Variants in CCDC83 observed in about 807,000 individuals in gnomAD.
CCDC83 encodes coiled-coil domain containing 83.
In CCDC83, 54 loss-of-function variants were observed where a neutral mutation model predicts 50.1. That is an observed-to-expected ratio of 1.08 (90% CI 0.87 to 1.35). The LOEUF (loss-of-function observed/expected upper bound fraction) is 1.35. Ranked by LOEUF, CCDC83 falls within the 40% of genes most tolerant of loss-of-function variation. CCDC83 has a pLI of 0.00. For missense variants in CCDC83, 518 were observed against 473.9 expected (o/e 1.09, Z -0.86); for synonymous variants, 161 against 153.3 (o/e 1.05, Z -0.37).
chr11:85,886,153 T>C, intron 4 of CCDC83, 47 bp from the exon 5 acceptor site: 1 of 1,430,080 alleles, frequency 7.0e-7, no homozygotes, highest in East Asian at 2.4e-5. Context: ...CAACATATAA[T>C]GGTTACAAGG....
intron 10 of CCDC83, 52 bp from the exon 11 acceptor site, chr11:85,919,297 G>A: frequency 6.7e-7 from 1 of 1,498,438 alleles, no homozygotes; most frequent in East Asian, 2.3e-5. Context: ...CTATCAAGCT[G>A]GTAATTTGCT....
chr11:85,882,740 C>T, intron 4 of CCDC83, 65 bp downstream of exon 4: 1 of 1,406,912 alleles, frequency 7.1e-7, no homozygotes, highest in Non-Finnish European at 9.9e-7. Context: ...TATATTAATG[C>T]TTTATTCTTC....
At chr11:85,893,539 G>A (rs1456551166) in intron 5 of CCDC83, among the ~76,000 whole-genome samples, 1 of 152,188 alleles carries the variant, frequency 6.6e-6, no homozygotes. Context: ...AACCCCCAAG[G>A]CCACAGGCCA....
At chr11:85,876,326 A>C (rs138136461) in intron 3 of CCDC83, among the ~76,000 whole-genome samples, 79 of 152,364 alleles carry the variant, frequency 5.2e-4, no homozygotes, top group African/African-American at 1.9e-3. Flanking sequence ...ACACCAAAAA[A>C]AATGAGTGTA....
Position 85,919,379 on chromosome 11 carries a change from A to C in CCDC83, c.1111A>C (p.Lys371Gln), listed in dbSNP as rs1192270450. ...TGTAAACTTGGGCCCCCTGGGAGTG[A>C]AGCTTATGAGTGTGGAGAGCAAGAA... is the stretch of plus-strand genomic sequence containing the variant. ...DYVNLGPLGV[K>Q]LMSVESKKMP... Residue 371 changes from lysine to glutamine, a missense_variant, in exon 11 of 11, where the codon AAG becomes CAG. Lys to Gln is a moderately conservative substitution (Grantham distance 53). Coordinates refer to ENST00000342404, the MANE Select transcript of CCDC83 (RefSeq NM_001286159.2). The C allele has an allele frequency of 6.2e-7, 1 of 1,610,046 alleles. No individual in the cohort carries two copies. The highest frequency in any genetic ancestry group is 8.5e-7 in the Non-Finnish European group (1 of 1,179,120).
At chr11:85,908,407 G>C (rs1592192106) in intron 7 of CCDC83, among the ~76,000 whole-genome samples, 1 of 152,090 alleles carries the variant, frequency 6.6e-6, no homozygotes, top group East Asian at 1.9e-4. Context: ...AAAAAAAATA[G>C]CTGGGCATGG....
chr11:85,903,953 C>G (rs888100268), intron 7 of CCDC83, among the ~76,000 whole-genome samples: 1 of 150,372 alleles, frequency 6.7e-6, no homozygotes, highest in African/African-American at 2.5e-5. Context: ...GGCAACACAG[C>G]GAGACTCTGT....
At chr11:85,897,671 A>G (rs931251347) in intron 6 of CCDC83, among the ~76,000 whole-genome samples, 5 of 152,236 alleles carry the variant, frequency 3.3e-5, no homozygotes, top group African/African-American at 1.2e-4. Flanking sequence ...GAATCCAGCC[A>G]TTAGCCAATT....
chr11:85,917,261 A>AAGAAAGAAAAGAAAGAAAGAG (rs1403534153), intron 10 of CCDC83, among the ~76,000 whole-genome samples: 2 of 134,618 alleles, frequency 1.5e-5, no homozygotes, highest in Non-Finnish European at 3.3e-5. Context: ...GAGGAAAGGA[A>AAGAAAGAAAAGAAAGAAAGAG]GGAAGGAAGG....
chr11:85,912,525 T>C, intron 8 of CCDC83: 1 of 691,064 alleles, frequency 1.4e-6, no homozygotes, highest in Non-Finnish European at 2.6e-6. Context: ...GAATGAGGAT[T>C]GATTACTGAA....
intron 5 of CCDC83, among the ~76,000 whole-genome samples, chr11:85,894,523 AAAAAGCTTTCTCTGATCACCCGATCT>A (rs1171579313): frequency 6.6e-6 from 1 of 152,188 alleles, no homozygotes; most frequent in Non-Finnish European, 1.5e-5. Context: ...ACCTCCTCAA[AAAAAGCTTTCTCTGATCACCCGATCT>A]AAAATTGAGA....
At chr11:85,861,780 G>T (rs1211280611) in intron 1 of CCDC83, among the ~76,000 whole-genome samples, 1 of 151,874 alleles carries the variant, frequency 6.6e-6, no homozygotes, top group African/African-American at 2.4e-5. Context: ...AGGCCAAAGT[G>T]GGTGGATCCC....
chr11:85,903,730 C>T (rs1224443459), intron 7 of CCDC83, among the ~76,000 whole-genome samples: 2 of 152,212 alleles, frequency 1.3e-5, no homozygotes, highest in Non-Finnish European at 1.5e-5. Context: ...TATTATCTCT[C>T]ACCCAGATCT....
chr11:85,882,468 G>C (rs199999154), intron 3 of CCDC83, 45 bp from the exon 4 acceptor site: 3 of 1,595,702 alleles, frequency 1.9e-6, no homozygotes, highest in Non-Finnish European at 2.6e-6. Flanking sequence ...GAAACATAGT[G>C]TACATAGTTG....
intron 2 of CCDC83, among the ~76,000 whole-genome samples, chr11:85,867,463 A>G (rs2093213967): frequency 6.6e-6 from 1 of 152,238 alleles, no homozygotes; most frequent in Admixed American, 6.5e-5. Context: ...ATATATTCGT[A>G]TGAACTTTTT....
At chr11:85,888,138 T>C (rs970891169) in intron 5 of CCDC83, among the ~76,000 whole-genome samples, 6 of 152,220 alleles carry the variant, frequency 3.9e-5, no homozygotes, top group Non-Finnish European at 5.9e-5. Context: ...TGACAAATAT[T>C]CTTGTATTTA....
intron 5 of CCDC83, among the ~76,000 whole-genome samples, chr11:85,893,085 C>T (rs768567874): frequency 6.6e-6 from 1 of 152,158 alleles, no homozygotes; most frequent in African/African-American, 2.4e-5. Flanking sequence ...TCCCTCTTCC[C>T]CTTCCCACCC....
intron 1 of CCDC83, among the ~76,000 whole-genome samples, chr11:85,856,527 T>C (rs2093142425): frequency 6.6e-6 from 1 of 152,240 alleles, no homozygotes; most frequent in South Asian, 2.1e-4. Flanking sequence ...CAGTTCAAAC[T>C]ATTTGATATT....
In CCDC83 at chr11:85,873,276, A is replaced by T; in HGVS notation, c.161A>T (p.Asn54Ile). Reference sequence around the variant, plus strand: ...CAAATAAAGACACTTAGGAAAAAGAACCAAAAATATCATGAAAGAGTGAGT... The same window carrying T: ...CAAATAAAGACACTTAGGAAAAAGATCCAAAAATATCATGAAAGAGTGAGT... ...MFQIKTLRKK[N>I]QKYHERNSRL... The change falls in exon 3 of 11, where the codon AAC (asparagine) becomes ATC (isoleucine). Residue 54 changes from asparagine to isoleucine, a missense_variant. Physicochemically the swap from Asn to Ile is moderately radical, Grantham distance 149. Coordinates refer to ENST00000342404, the MANE Select transcript of CCDC83 (RefSeq NM_001286159.2). 6.6e-7 allele frequency: 1 copy of T among 1,506,990 alleles called. No individual in the cohort carries two copies. 93.4% of individuals were successfully genotyped at this position (1,506,990 alleles called of 1,614,324 possible). A position where few individuals can be genotyped will look rare whatever the true frequency, so the allele number is the denominator to read the frequency against.
Sources: allele counts gnomAD v4.1 joint callset (sites outside exome capture counted in the v4.1 genomes callset), GRCh38; gene constraint gnomAD v4.1.1; transcripts MANE v1.5; gene names NCBI Gene and HGNC (gene_info 2026-07-23, HGNC 2026-07-21).